The following MCTP1 variants were observed in gnomAD, a reference collection of about 807,000 sequenced individuals.
MCTP1 encodes multiple C2 and transmembrane domain-containing protein 1.
A neutral mutation model predicts 120.6 loss-of-function variants in MCTP1; 69 were observed. That is an observed-to-expected ratio of 0.57 (90% CI 0.47 to 0.70). The LOEUF is 0.70. MCTP1 is among the 30% of genes least tolerant of loss of function. The pLI is 0.00. For missense variants in MCTP1, 1,203 were observed against 1,248.8 expected, an observed-to-expected ratio of 0.96 and a Z score of 0.55; for synonymous variants, 529 against 493.1, an observed-to-expected ratio of 1.07 and a Z score of -0.96.
chr5:95,027,977 T>G (rs2153687130), intron 1 of MCTP1, among the ~76,000 whole-genome samples: 1 of 152,336 alleles, frequency 6.6e-6, no homozygotes, highest in Non-Finnish European at 1.5e-5. Context: ...TGCATCCACC[T>G]TCTTCCTCCA....
chr5:94,798,411 A>C (rs1332833961), intron 18 of MCTP1, among the ~76,000 whole-genome samples: 1 of 152,162 alleles, frequency 6.6e-6, no homozygotes, highest in Non-Finnish European at 1.5e-5. Flanking sequence ...GCTTTCAAAA[A>C]TGCCAGAGGA....
intron 17 of MCTP1, among the ~76,000 whole-genome samples, chr5:94,845,446 G>T (rs940863321): frequency 6.6e-6 from 1 of 152,168 alleles, no homozygotes; most frequent in African/African-American, 2.4e-5. Context: ...GGGATTATGG[G>T]AGCTACAATT....
At chr5:94,896,316 T>A (rs1426950295) in intron 10 of MCTP1, among the ~76,000 whole-genome samples, 1 of 152,182 alleles carries the variant, frequency 6.6e-6, no homozygotes, top group South Asian at 2.1e-4. Flanking sequence ...CTGGCTTGGA[T>A]AGGGAGTATA....
chr5:95,211,980 T>C (rs1039652914), intron 1 of MCTP1, among the ~76,000 whole-genome samples: 2 of 152,016 alleles, frequency 1.3e-5, no homozygotes, highest in Admixed American at 1.3e-4. Flanking sequence ...AGCAAACACA[T>C]TCAAAAGCTA....
chr5:94,751,085 T>C (rs1005640050), intron 19 of MCTP1, among the ~76,000 whole-genome samples: 2 of 152,132 alleles, frequency 1.3e-5, no homozygotes, highest in Non-Finnish European at 2.9e-5. Context: ...ACACCTTGAA[T>C]GCAAGGTGGA....
chr5:94,808,192 T>C (rs1297131531), intron 17 of MCTP1, among the ~76,000 whole-genome samples: 1 of 152,184 alleles, frequency 6.6e-6, no homozygotes. Flanking sequence ...AATAGCCAGA[T>C]GGCACCACCA....
rs188354467 is a variant in MCTP1 at position 95,157,646 on chromosome 5, A to C, written c.720+126210T>G. ...ATATACCATTAAAAATACTGGGAAA[A>C]AATTTTAAGATTTCTCATTATGGAA... On this transcript the variant is annotated intron_variant, in intron 1 of 22. Transcript: ENST00000515393. Among the ~76,000 whole-genome samples, 18 of 152,324 alleles carry C rather than the reference A, an allele frequency of 1.2e-4. No individual in the cohort carries two copies. The East Asian group carries it at 3.3e-3, about 28-fold the overall frequency.
chr5:95,227,238 A>G (rs1754385206), intron 1 of MCTP1, among the ~76,000 whole-genome samples: 2 of 152,152 alleles, frequency 1.3e-5, no homozygotes, highest in Admixed American at 1.3e-4. Context: ...CTTATTCCCA[A>G]TCCCCCCGAA....
chr5:95,259,599 C>T (rs181407932), intron 1 of MCTP1, among the ~76,000 whole-genome samples: 98 of 152,242 alleles, frequency 6.4e-4, no homozygotes, highest in South Asian at 2.5e-3. Context: ...TACAAAAAAA[C>T]CATTGCTGTA....
intron 1 of MCTP1, among the ~76,000 whole-genome samples, chr5:95,175,665 G>T (rs982637248): frequency 1.3e-5 from 2 of 152,110 alleles, no homozygotes; most frequent in Non-Finnish European, 2.9e-5. Flanking sequence ...TAGCTTATGG[G>T]TAGGTCCAGA....
intron 17 of MCTP1, among the ~76,000 whole-genome samples, chr5:94,827,998 T>C (rs1787603854): frequency 6.6e-6 from 1 of 152,104 alleles, no homozygotes; most frequent in Non-Finnish European, 1.5e-5. Context: ...GTTTGTTCTC[T>C]TGCTGGTGAG....
intron 17 of MCTP1, among the ~76,000 whole-genome samples, chr5:94,821,160 A>G (rs1490648720): frequency 6.6e-6 from 1 of 152,176 alleles, no homozygotes; most frequent in Non-Finnish European, 1.5e-5. Flanking sequence ...AGCAGCCTCT[A>G]CTGAGGGAAG....
chr5:95,013,345 C>T (rs569941167), intron 2 of MCTP1, among the ~76,000 whole-genome samples: 1 of 152,266 alleles, frequency 6.6e-6, no homozygotes, highest in Admixed American at 6.5e-5. Flanking sequence ...ATGACGGTTG[C>T]TACACTAAAC....
At chr5:95,011,875 T>A (rs1395904612) in intron 2 of MCTP1, among the ~76,000 whole-genome samples, 1 of 152,144 alleles carries the variant, frequency 6.6e-6, no homozygotes, top group African/African-American at 2.4e-5. Context: ...TTGGCTCCTA[T>A]GTGATTTTGA....
At chr5:95,185,154 G>A (rs1000059967) in intron 1 of MCTP1, among the ~76,000 whole-genome samples, 20 of 152,160 alleles carry the variant, frequency 1.3e-4, no homozygotes, top group African/African-American at 4.8e-4. Flanking sequence ...CAACCATTCT[G>A]AGAAAACGGA....
intron 1 of MCTP1, among the ~76,000 whole-genome samples, chr5:95,030,368 G>A (rs150472860): frequency 6.6e-5 from 10 of 152,204 alleles, no homozygotes; most frequent in African/African-American, 1.7e-4. Context: ...GCTATATACT[G>A]GACTGAAGCC....
At chr5:94,718,875 A>T (rs982519125) in intron 19 of MCTP1, among the ~76,000 whole-genome samples, 4 of 152,140 alleles carry the variant, frequency 2.6e-5, no homozygotes, top group African/African-American at 7.2e-5. Flanking sequence ...ATGTGCCACC[A>T]CACCTGGCTA....
chr5:95,259,880 C>A (rs996001808), intron 1 of MCTP1, among the ~76,000 whole-genome samples: 1 of 152,156 alleles, frequency 6.6e-6, no homozygotes, highest in Non-Finnish European at 1.5e-5. Context: ...ACTTATGTTG[C>A]TATCAAATGA....
chr5:95,092,119 A>G (rs1435316599), intron 1 of MCTP1, among the ~76,000 whole-genome samples: 1 of 152,234 alleles, frequency 6.6e-6, no homozygotes, highest in African/African-American at 2.4e-5. Flanking sequence ...ACACCTAATG[A>G]ATTTGGTGAT....
Sources: gnomAD v4.1 joint callset for allele counts (sites outside exome capture counted in the v4.1 genomes callset) on GRCh38, gnomAD v4.1.1 for gene constraint, MANE v1.5 for transcripts, NCBI Gene and HGNC (gene_info 2026-07-23, HGNC 2026-07-21) for gene names.